Variants in PTPRT observed in about 807,000 individuals in gnomAD.
PTPRT encodes receptor-type tyrosine-protein phosphatase T.
PTPRT carries 56 observed loss-of-function variants against 176.8 expected under a neutral mutation model. That is an observed-to-expected ratio of 0.32 (90% CI 0.26 to 0.40). The LOEUF is 0.40. Ranked by LOEUF, PTPRT falls within the 10% of genes least tolerant of loss-of-function variation. The probability of loss-of-function intolerance (pLI) is 1.00; values close to 1 mark genes in which losing one functional copy is unlikely to be tolerated. For missense variants in PTPRT, 1,540 were observed against 1,908.2 expected (o/e 0.81, Z 3.60); for synonymous variants, 783 against 739.0 (o/e 1.06, Z -0.96).
chr20:42,191,799 T>C (rs1191389581), intron 16 of PTPRT, among the ~76,000 whole-genome samples: 1 of 152,180 alleles, frequency 6.6e-6, no homozygotes, highest in Non-Finnish European at 1.5e-5. Context: ...AGATTTTGGC[T>C]TAATTGAAGA....
chr20:42,314,012 C>A (rs1321161020), intron 12 of PTPRT, among the ~76,000 whole-genome samples: 1 of 152,148 alleles, frequency 6.6e-6, no homozygotes, highest in Non-Finnish European at 1.5e-5. Flanking sequence ...ATCTTGGCCA[C>A]CCAGAGCCTG....
chr20:42,899,455 G>A (rs763279461), intron 1 of PTPRT, among the ~76,000 whole-genome samples: 8 of 152,222 alleles, frequency 5.3e-5, no homozygotes, highest in Non-Finnish European at 1.0e-4. Flanking sequence ...AGCACGTGAT[G>A]TGGCTGTCTC....
intron 7 of PTPRT, among the ~76,000 whole-genome samples, chr20:42,475,541 G>A (rs942845764): frequency 2.0e-5 from 3 of 152,190 alleles, no homozygotes; most frequent in African/African-American, 7.2e-5. Flanking sequence ...ACCGGAGACT[G>A]AGACCAGGGA....
rs1986497823 is a variant in PTPRT at position 42,106,871 on chromosome 20, T to G, written c.3305A>C (p.Asp1102Ala). The G allele has an allele frequency of 6.2e-7, 1 of 1,614,018 alleles. No individual in the cohort carries two copies. The highest frequency in any genetic ancestry group is 1.7e-5 in the Admixed American group (1 of 60,002). ...GCFIAIDTMLDMAENEGVVDI... is the reference protein window; with the variant it reads ...GCFIAIDTMLAMAENEGVVDI... ...CACCACCCCTTCATTCTCGGCCATG[T>G]CAAGCATGGTGTCAATGGCAATGAA... is the stretch of plus-strand genomic sequence containing the variant. The change falls in exon 24 of 31, where the codon GAC (aspartate) becomes GCC (alanine). Residue 1102 changes from aspartate to alanine, a missense_variant. By Grantham distance (126) the Asp-to-Ala change is moderately radical (BLOSUM62 -2). This residue lies in a region of PTPRT where 248 missense variants were observed against 356.7 expected (regional missense o/e 0.70). Transcript: ENST00000373187.
the PTPRT span, among the ~76,000 whole-genome samples, chr20:42,054,926 C>A: frequency 6.6e-6 from 1 of 152,116 alleles, no homozygotes; most frequent in Non-Finnish European, 1.5e-5. Flanking sequence ...CTCTGACCCC[C>A]TACTGAGGCC....
At chr20:42,109,989 C>T (rs1438179126) in intron 23 of PTPRT, among the ~76,000 whole-genome samples, 1 of 151,584 alleles carries the variant, frequency 6.6e-6, no homozygotes, top group East Asian at 1.9e-4. Context: ...GAAAAGATAA[C>T]ATGTCCCTCC....
intron 6 of PTPRT, among the ~76,000 whole-genome samples, chr20:42,681,427 C>G (rs2075602143): frequency 6.6e-6 from 1 of 152,144 alleles, no homozygotes; most frequent in Non-Finnish European, 1.5e-5. Flanking sequence ...CCAATCTGGT[C>G]TAGAGGTTAG....
intron 1 of PTPRT, among the ~76,000 whole-genome samples, chr20:42,967,422 A>G (rs918831003): frequency 6.6e-6 from 1 of 152,204 alleles, no homozygotes; most frequent in African/African-American, 2.4e-5. Context: ...AAAGAAGGCC[A>G]GACCAGGTGG....
chr20:42,056,028 A>C, the PTPRT span, among the ~76,000 whole-genome samples: 1 of 152,318 alleles, frequency 6.6e-6, no homozygotes, highest in Admixed American at 6.5e-5. Context: ...GTCCCCTCTT[A>C]GTCCTCCAAT....
chr20:42,611,217 C>A (rs571568181), intron 7 of PTPRT, among the ~76,000 whole-genome samples: 2 of 152,246 alleles, frequency 1.3e-5, no homozygotes, highest in East Asian at 3.9e-4. Flanking sequence ...TGGAACTGTA[C>A]ATTTAACTTC....
At chr20:43,151,377 A>G (rs13041343) in intron 1 of PTPRT, among the ~76,000 whole-genome samples, 19,586 of 146,284 alleles carry the variant, frequency 0.13, 1,777 homozygotes, top group Non-Finnish European at 0.21. Flanking sequence ...CTTCTAATAA[A>G]GAGAGTTAAT....
In PTPRT at chr20:42,153,279, A is replaced by C. The variant is rs888961791; in HGVS notation, c.2682+8073T>G. On this transcript the variant is annotated intron_variant, in intron 17 of 30. Coordinates refer to ENST00000373187, the MANE Select transcript of PTPRT (RefSeq NM_007050.6). ...AAATACTCAGTCAGTGTTTCTGGCC[A>C]GATTAGTGTTCATAAAATAGAAGCA... is the stretch of plus-strand genomic sequence containing the variant. Among the ~76,000 whole-genome samples, 3 of 152,206 alleles carry C rather than the reference A, an allele frequency of 2.0e-5. No individual in the cohort carries two copies. The East Asian group carries it at 5.8e-4, about 29-fold the overall frequency.
In PTPRT at chr20:42,202,124, C is replaced by T. The variant is rs536242369; in HGVS notation, c.2343-2736G>A. Among the ~76,000 whole-genome samples, 7 of 152,144 alleles carry T rather than the reference C, an allele frequency of 4.6e-5. No individual in the cohort carries two copies. The East Asian group carries it at 7.7e-4, about 17-fold the overall frequency. ...AGCTGGGACTACAGGTGTCTGCCACCGCATCCAGCTAAGTTTTTGTAATTT... is the reference window on the plus strand; with the variant it reads ...AGCTGGGACTACAGGTGTCTGCCACTGCATCCAGCTAAGTTTTTGTAATTT... On this transcript the variant is annotated intron_variant, in intron 15 of 30. Transcript: ENST00000373187.
chr20:42,246,018 A>G (rs1473925354), intron 14 of PTPRT, among the ~76,000 whole-genome samples: 2 of 152,144 alleles, frequency 1.3e-5, no homozygotes, highest in Non-Finnish European at 2.9e-5. Flanking sequence ...TAGTATCCTG[A>G]GCTATGGTGA....
intron 20 of PTPRT, among the ~76,000 whole-genome samples, 168 bp from the exon 21 acceptor site, chr20:42,118,668 C>T (rs1478190908): frequency 6.6e-6 from 1 of 152,090 alleles, no homozygotes; most frequent in Non-Finnish European, 1.5e-5. Flanking sequence ...ACATGTGAGC[C>T]TGATGGGGAC....
intron 3 of PTPRT, among the ~76,000 whole-genome samples, chr20:42,781,933 T>A (rs1228792260): frequency 6.6e-6 from 1 of 152,228 alleles, no homozygotes. Context: ...AAAGTTATGT[T>A]ACTGCTCTGT....
intron 15 of PTPRT, among the ~76,000 whole-genome samples, chr20:42,215,451 T>G (rs2055745953): frequency 6.6e-6 from 1 of 152,210 alleles, no homozygotes; most frequent in South Asian, 2.1e-4. Context: ...CAACAAATGC[T>G]AGTTCTTTTT....
At chr20:43,130,632 A>G (rs1456735587) in intron 1 of PTPRT, among the ~76,000 whole-genome samples, 1 of 152,200 alleles carries the variant, frequency 6.6e-6, no homozygotes, top group Non-Finnish European at 1.5e-5. Flanking sequence ...GAACTGCATG[A>G]AGATACCCTG....
At position 43,189,154 on chromosome 20, in the gene PTPRT, G is replaced by A. The variant is rs1375776328; in HGVS notation, c.88+492C>T. Among the ~76,000 whole-genome samples, 2 of 152,112 alleles carry A rather than the reference G, an allele frequency of 1.3e-5. No homozygotes were observed. The highest frequency in any genetic ancestry group is 2.4e-5 in the African/African-American group (1 of 41,452). On this transcript the variant is annotated intron_variant, in intron 1 of 30. Transcript: ENST00000373187. This position sits in a 1 kb window ranked among gnomAD's most constrained non-coding sequence, Gnocchi z 5.0. ...GTTCAGAGCAAATGGAGAGCTTCCT[G>A]TATCTCCGAGGAAAAAAGAAAAGCC...
Sources: gnomAD v4.1 joint callset for allele counts (sites outside exome capture counted in the v4.1 genomes callset) on GRCh38, gnomAD v4.1.1 for gene constraint, gnomAD v4.1.1 regional missense constraint, Gnocchi (gnomAD v3.1) non-coding constraint, MANE v1.5 for transcripts, NCBI Gene and HGNC (gene_info 2026-07-23, HGNC 2026-07-21) for gene names.